Variants in VAT1L observed in about 807,000 individuals in gnomAD.
VAT1L encodes vesicle amine transport 1 like, also known as putative NADPH-dependent quinone oxidoreductase VAT1L.
Under a neutral mutation model 44.1 loss-of-function variants are expected in VAT1L, and 34 were observed. The observed-to-expected ratio is 0.77, with a 90% confidence interval of 0.59 to 1.03. The LOEUF (loss-of-function observed/expected upper bound fraction) is 1.03. VAT1L is among the 50% of genes least tolerant of loss of function. VAT1L has a pLI of 0.00. For synonymous variants in VAT1L, 253 were observed against 202.2 expected, an observed-to-expected ratio of 1.25 and a Z score of -2.13; for missense variants, 615 against 538.8, an observed-to-expected ratio of 1.14 and a Z score of -1.40.
At chr16:77,795,813 C>CTTTTTTATT (rs2015920020) in intron 1 of VAT1L, among the ~76,000 whole-genome samples, 1 of 100,582 alleles carries the variant, frequency 9.9e-6, no homozygotes, top group South Asian at 3.5e-4. Flanking sequence ...CCTTTTTTCT[C>CTTTTTTATT]TTTTTTTTTT....
In VAT1L at chr16:77,884,066, T is replaced by C. The variant is rs927144401; in HGVS notation, c.883-542T>C. Among the ~76,000 whole-genome samples the C allele has an allele frequency of 5.9e-5, 9 of 152,100 alleles. No homozygotes were observed. Among genetic ancestry groups the C allele is most frequent in the African/African-American group, 1.9e-4 (8 of 41,420 alleles). The stretch of plus-strand genomic sequence containing the variant: ...ATTTCAACTACATGTGGCCATGTAG[T>C]TAGTTTTGGGCTCTCTCTCCCACTT... On this transcript the variant is annotated intron_variant, in intron 6 of 8. Transcript: ENST00000302536. This position sits in a 1 kb window ranked among gnomAD's most constrained non-coding sequence, Gnocchi z 4.5.
chr16:77,798,618 C>T lies in VAT1L; in HGVS notation c.233+9703C>T, dbSNP rs140807975. On this transcript the variant is annotated intron_variant, in intron 1 of 8. Transcript: ENST00000302536. ...ACAAAGAAATAGGACATTAAAAAGTCCCTCTGTGCTTCATAAAGTTTTCTG... is the reference window on the plus strand; with the variant it reads ...ACAAAGAAATAGGACATTAAAAAGTTCCTCTGTGCTTCATAAAGTTTTCTG... Among the ~76,000 whole-genome samples the T allele has an allele frequency of 5.1e-4, 78 of 152,210 alleles. No individual in the cohort carries two copies. In the Middle Eastern group the frequency reaches 0.01, roughly 20 times the overall value.
chr16:77,826,206 CAA>C (rs11298500), intron 3 of VAT1L, among the ~76,000 whole-genome samples: 102 of 128,232 alleles, frequency 8.0e-4, no homozygotes, highest in Admixed American at 7.6e-4. Context: ...GACTCCGTCT[CAA>C]AAAAAAAAAA....
chr16:77,819,069 A>C (rs748801351), intron 2 of VAT1L, among the ~76,000 whole-genome samples: 1 of 151,996 alleles, frequency 6.6e-6, no homozygotes, highest in South Asian at 2.1e-4. Flanking sequence ...CTGCCTCTGG[A>C]CTCTGAGACT....
intron 4 of VAT1L, among the ~76,000 whole-genome samples, chr16:77,867,260 G>C (rs868801383): frequency 6.6e-6 from 1 of 152,090 alleles, no homozygotes; most frequent in African/African-American, 2.4e-5. Flanking sequence ...TGTTCATTAC[G>C]TGGACGGTGA....
At chr16:77,926,048 G>T (rs12445383) in intron 7 of VAT1L, among the ~76,000 whole-genome samples, 1 of 150,020 alleles carries the variant, frequency 6.7e-6, no homozygotes. Flanking sequence ...GGGTCACGAG[G>T]TCAGGAGATC....
intron 4 of VAT1L, 58 bp downstream of exon 4, chr16:77,862,948 C>G: frequency 6.4e-7 from 1 of 1,562,602 alleles, no homozygotes; most frequent in East Asian, 2.3e-5. Flanking sequence ...TCTCAAAGAG[C>G]AGTAGCACTT....
At chr16:77,826,581 G>T (rs749173750) in intron 3 of VAT1L, among the ~76,000 whole-genome samples, 4 of 152,182 alleles carry the variant, frequency 2.6e-5, no homozygotes, top group Non-Finnish European at 5.9e-5. Context: ...TTCTGCTCTA[G>T]ATTTCAGGGA....
At chr16:77,956,203 C>T (rs254818) in intron 7 of VAT1L, among the ~76,000 whole-genome samples, 1 of 151,854 alleles carries the variant, frequency 6.6e-6, no homozygotes, top group Non-Finnish European at 1.5e-5. Context: ...AATATACATA[C>T]TTACCATGTA....
chr16:77,926,127 C>T (rs910884314), intron 7 of VAT1L, among the ~76,000 whole-genome samples: 1 of 151,682 alleles, frequency 6.6e-6, no homozygotes, highest in Non-Finnish European at 1.5e-5. Flanking sequence ...GTGGCGGGCG[C>T]CTGTAGTCCC....
At chr16:77,914,582 T>G (rs1423170260) in intron 7 of VAT1L, among the ~76,000 whole-genome samples, 1 of 152,334 alleles carries the variant, frequency 6.6e-6, no homozygotes, top group African/African-American at 2.4e-5. Context: ...TTACTGAAGC[T>G]GAAAGAGGTT....
At chr16:77,796,719 A>G (rs2015940628) in intron 1 of VAT1L, among the ~76,000 whole-genome samples, 2 of 152,210 alleles carry the variant, frequency 1.3e-5, no homozygotes, top group African/African-American at 2.4e-5. Context: ...TAGGACATGA[A>G]TTGCCATCTC....
At chr16:77,838,384 C>A (rs1008551951) in intron 3 of VAT1L, among the ~76,000 whole-genome samples, 2 of 152,202 alleles carry the variant, frequency 1.3e-5, no homozygotes, top group Non-Finnish European at 2.9e-5. Flanking sequence ...TTCTCACTGA[C>A]ACCCACCAGG....
At chr16:77,886,575 GAAC>G (rs1192333293) in intron 7 of VAT1L, among the ~76,000 whole-genome samples, 1 of 152,152 alleles carries the variant, frequency 6.6e-6, no homozygotes, top group Admixed American at 6.5e-5. Context: ...AACATTTACT[GAAC>G]AACAACTATG....
At chr16:77,866,481 C>T (rs2016975670) in intron 4 of VAT1L, among the ~76,000 whole-genome samples, 1 of 151,820 alleles carries the variant, frequency 6.6e-6, no homozygotes, top group Middle Eastern at 3.2e-3. Flanking sequence ...ATTCTCGGTG[C>T]ATGTAGACTT....
At chr16:77,954,254 G>C (rs867897710) in intron 7 of VAT1L, among the ~76,000 whole-genome samples, 18 of 152,302 alleles carry the variant, frequency 1.2e-4, no homozygotes, top group Middle Eastern at 3.4e-3. Flanking sequence ...AAGGGTTGTA[G>C]TCACGGCTAT....
intron 7 of VAT1L, among the ~76,000 whole-genome samples, chr16:77,944,595 T>C (rs1023390262): frequency 5.9e-5 from 9 of 152,180 alleles, no homozygotes; most frequent in Admixed American, 3.9e-4. Flanking sequence ...AAAATTGTTG[T>C]GAAGATTAAA....
intron 3 of VAT1L, among the ~76,000 whole-genome samples, chr16:77,854,864 G>T (rs1472814415): frequency 6.6e-6 from 1 of 152,136 alleles, no homozygotes; most frequent in African/African-American, 2.4e-5. Flanking sequence ...TCTTGAAAAT[G>T]GTCAAGTTAG....
At chr16:77,825,223 ACT>A (rs764439529) in intron 2 of VAT1L, 21 bp from the exon 3 acceptor site, 50 of 1,612,550 alleles carry the variant, frequency 3.1e-5, no homozygotes, top group East Asian at 4.5e-5. Flanking sequence ...GCCTCCACTA[ACT>A]CTGTGTTTCC....
Sources: gnomAD v4.1 joint callset for allele counts (sites outside exome capture counted in the v4.1 genomes callset) on GRCh38, gnomAD v4.1.1 for gene constraint, Gnocchi (gnomAD v3.1) non-coding constraint, MANE v1.5 for transcripts, NCBI Gene and HGNC (gene_info 2026-07-23, HGNC 2026-07-21) for gene names.